The following ABCA8 variants were observed in gnomAD, a reference collection of about 807,000 sequenced individuals.
ABCA8 encodes ATP binding cassette subfamily A member 8.
In ABCA8, 177 loss-of-function variants were observed where a neutral mutation model predicts 192.3. The ratio of observed to expected loss-of-function variants is 0.92; its 90% CI spans 0.81 to 1.04. The LOEUF (loss-of-function observed/expected upper bound fraction) is 1.04. Among genes scored for constraint, ABCA8 ranks in the 50% least tolerant of loss-of-function variants. The pLI is 0.00. For missense variants in ABCA8, 1,915 were observed against 1,904.8 expected (o/e 1.01, Z -0.10); for synonymous variants, 642 against 690.2 (o/e 0.93, Z 1.09).
rs1380247041 is a variant in ABCA8, at chr17:68,937,046, A to G, written c.371T>C (p.Ile124Thr). The change falls in exon 5 of 40, where the codon ATA becomes ACA. Residue 124 changes from isoleucine (I) to threonine (T), a missense_variant. By Grantham distance (89) the Ile-to-Thr change is moderately conservative. Transcript: ENST00000586539. ...TGTATTAGTAAAGGTGACTCTTACT[A>G]TTTCTTCAGGATAATTTGCTGTGAA... The part of the protein sequence containing the change: ...KEFTANYPEE[I>T]VRVTFTNTYS... 3.7e-6 allele frequency: 6 copies of G among 1,610,788 alleles called. No individual in the cohort carries two copies. Among genetic ancestry groups the G allele is most frequent in the Non-Finnish European group, 5.1e-6 (6 of 1,178,664 alleles).
chr17:68,952,983 G>T (rs1459725455), intron 1 of ABCA8, among the ~76,000 whole-genome samples: 1 of 152,180 alleles, frequency 6.6e-6, no homozygotes, highest in Non-Finnish European at 1.5e-5. Context: ...CTTCCCAGAA[G>T]AAGATAATTC....
intron 17 of ABCA8, among the ~76,000 whole-genome samples, chr17:68,910,849 T>C (rs542791726): frequency 6.6e-6 from 1 of 152,198 alleles, no homozygotes; most frequent in South Asian, 2.1e-4. Context: ...GAAGGGCACC[T>C]GCTGCCTTGA....
chr17:68,906,229 AAACT>A, intron 18 of ABCA8, 66 bp from the exon 19 acceptor site: 1 of 1,281,692 alleles, frequency 7.8e-7, no homozygotes, highest in Non-Finnish European at 1.0e-6. Context: ...ACAATTTTTC[AAACT>A]AATAAGCACA....
chr17:68,903,370 T>C lies in ABCA8; in HGVS notation c.2528A>G (p.Gln843Arg), dbSNP rs1215093246. ...KTIGGVALWR[Q>R]QICAIARVRL... ...AACCCTTGCAATTGCGCAGATTTGC[T>C]GTCGCCAGAGAGCCACACCACCTAT... The change falls in exon 20 of 40, where the codon CAG (glutamine) becomes CGG (arginine). Residue 843 changes from glutamine to arginine, a missense_variant. Physicochemically the swap from Gln to Arg is conservative, Grantham distance 43 (BLOSUM62 1). Coordinates refer to ENST00000586539, the MANE Select transcript of ABCA8 (RefSeq NM_001288985.2). 1.2e-6 allele frequency: 2 copies of C among 1,614,238 alleles called. No homozygotes were observed. The highest frequency in any genetic ancestry group is 1.7e-6 in the Non-Finnish European group (2 of 1,180,032).
intron 10 of ABCA8, among the ~76,000 whole-genome samples, chr17:68,925,701 T>G (rs1396485595): frequency 1.3e-5 from 2 of 152,234 alleles, no homozygotes; most frequent in Non-Finnish European, 2.9e-5. Context: ...CCACATGGTA[T>G]GTTGTTAGCA....
At chr17:68,923,469 G>C (rs2067603673) in intron 11 of ABCA8, among the ~76,000 whole-genome samples, 1 of 151,986 alleles carries the variant, frequency 6.6e-6, no homozygotes, top group Non-Finnish European at 1.5e-5. Context: ...TAAAGTGTTG[G>C]GATTGCAGGT....
chr17:68,876,871 A>G (rs1406575356), intron 33 of ABCA8, among the ~76,000 whole-genome samples, 168 bp from the exon 34 acceptor site: 22 of 152,246 alleles, frequency 1.4e-4, no homozygotes. Flanking sequence ...GCTCCCCTAC[A>G]AAAGATAATA....
At chr17:68,881,265 T>C in intron 31 of ABCA8, 54 bp from the exon 32 acceptor site, 1 of 1,237,558 alleles carries the variant, frequency 8.1e-7, no homozygotes, top group Non-Finnish European at 1.2e-6. Context: ...ACATTAAGAG[T>C]AAAACATAGT....
At chr17:68,871,482 G>T (rs2066051811) in intron 37 of ABCA8, among the ~76,000 whole-genome samples, 1 of 152,146 alleles carries the variant, frequency 6.6e-6, no homozygotes, top group Non-Finnish European at 1.5e-5. Flanking sequence ...GTTTTGATTT[G>T]CATTTCCCTG....
chr17:68,931,786 T>A (rs1274128768), intron 7 of ABCA8: 1 of 141,102 alleles, frequency 7.1e-6, no homozygotes, highest in African/African-American at 2.8e-5. Flanking sequence ...TTTTTTTTTT[T>A]GTCCATCACT....
At chr17:68,928,975 G>T in intron 9 of ABCA8, 74 bp downstream of exon 9, 3 of 1,214,526 alleles carry the variant, frequency 2.5e-6, no homozygotes, top group African/African-American at 1.5e-5. Context: ...GTTTGTAAAT[G>T]ATTACAGCCT....
intron 9 of ABCA8, 112 bp downstream of exon 9, chr17:68,928,937 G>T: frequency 2.2e-6 from 2 of 916,204 alleles, no homozygotes; most frequent in Non-Finnish European, 1.5e-6. Flanking sequence ...AACAGCCTTC[G>T]CTAGAATTTT....
chr17:68,899,674 G>A (rs1310047595), intron 21 of ABCA8, among the ~76,000 whole-genome samples: 2 of 151,958 alleles, frequency 1.3e-5, no homozygotes, highest in Non-Finnish European at 2.9e-5. Context: ...AGTGCACAAG[G>A]AACATTCTCC....
chr17:68,871,899 T>TATATACTATA (rs1190044248), intron 37 of ABCA8, among the ~76,000 whole-genome samples: 1 of 127,346 alleles, frequency 7.9e-6, no homozygotes, highest in Non-Finnish European at 1.8e-5. Context: ...CTAGTTTATG[T>TATATACTATA]ATATACTATA....
At chr17:68,869,079 A>C (rs2065983307) in intron 38 of ABCA8, among the ~76,000 whole-genome samples, 1 of 152,184 alleles carries the variant, frequency 6.6e-6, no homozygotes, top group Admixed American at 6.6e-5. Flanking sequence ...TAGAACTAGA[A>C]GATCTGAATC....
rs1234714128 is a variant in ABCA8, at chr17:68,940,859, AC to A, written c.199del (p.Val67Ter). ...AAATCTGGATTCATTAAATGTATCT[AC>A]CCGTCCCAGGTCCATGGTAAGCAGT... ...SSLLTMDLGR[V>X]DTFNESRFSV... On this transcript the variant is annotated frameshift_variant, in exon 4 of 40. Coordinates refer to ENST00000586539, the MANE Select transcript of ABCA8 (RefSeq NM_001288985.2). LOFTEE classifies it high-confidence loss of function. The A allele has an allele frequency of 3.1e-6, 5 of 1,613,258 alleles. No individual in the cohort carries two copies. Among genetic ancestry groups the A allele is most frequent in the Non-Finnish European group, 4.2e-6 (5 of 1,179,484 alleles).
intron 3 of ABCA8, among the ~76,000 whole-genome samples, 154 bp downstream of exon 3, chr17:68,941,785 G>C (rs1280326484): frequency 6.6e-6 from 1 of 152,104 alleles, no homozygotes; most frequent in Non-Finnish European, 1.5e-5. Context: ...ACAGATTCAT[G>C]GCCTGAAGAA....
In ABCA8 at chr17:68,885,184, G is replaced by A; in HGVS notation, c.3549+12C>T. 1 of 1,610,336 alleles carries A rather than the reference G, an allele frequency of 6.2e-7. No individual in the cohort carries two copies. Among genetic ancestry groups the A allele is most frequent in the Non-Finnish European group, 8.5e-7 (1 of 1,178,274 alleles). ...GTTTCAAGGGACTGGGACAGACTGT[G>A]TCATTACTTACATGAGAAGATAAGA... On this transcript the variant is annotated intron_variant, in intron 27 of 39. Coordinates refer to ENST00000586539, the MANE Select transcript of ABCA8 (RefSeq NM_001288985.2).
At position 68,884,323 on chromosome 17, in the gene ABCA8, G is replaced by A. The variant is rs1256348090; in HGVS notation, c.3615+8C>T. The A allele has an allele frequency of 3.2e-6, 5 of 1,570,808 alleles. No individual in the cohort carries two copies. In the Admixed American group the frequency reaches 6.0e-5, roughly 19 times the overall value. ...AGTGATAATTTTTAAAGAACAGTGT[G>A]TTCTTACAATTAGGAATACCAGAAA... On this transcript the variant is annotated splice_region_variant and intron_variant, in intron 28 of 39. Transcript: ENST00000586539.
Sources: allele counts gnomAD v4.1 joint callset (sites outside exome capture counted in the v4.1 genomes callset), GRCh38; gene constraint gnomAD v4.1.1; transcripts MANE v1.5; gene names NCBI Gene and HGNC (gene_info 2026-07-23, HGNC 2026-07-21).